SNX6: variants seen among roughly 807,000 people sequenced by gnomAD.
SNX6 encodes sorting nexin-6.
A neutral mutation model predicts 63.0 loss-of-function variants in SNX6; 34 were observed. That is an observed-to-expected ratio of 0.54 (90% CI 0.41 to 0.72). The LOEUF (loss-of-function observed/expected upper bound fraction) is 0.72, where lower values mean the gene tolerates loss of function less well. Ranked by LOEUF, SNX6 falls within the 30% of genes least tolerant of loss-of-function variation. The probability of loss-of-function intolerance (pLI) is 0.00; values close to 1 mark genes in which losing one functional copy is unlikely to be tolerated. For missense variants in SNX6, 398 were observed against 471.4 expected (o/e 0.84, Z 1.44); for synonymous variants, 170 against 164.2 (o/e 1.04, Z -0.27).
At chr14:34,612,776 C>CT (rs1179284245) in intron 2 of SNX6, among the ~76,000 whole-genome samples, 2 of 151,776 alleles carry the variant, frequency 1.3e-5, no homozygotes, top group Admixed American at 1.3e-4. Context: ...CCAGGCGCCA[C>CT]TGGTGGCTCA....
chr14:34,609,776 C>A lies in SNX6; in HGVS notation c.55-34G>T. ...AGAAAACCAGTATCTTCATGAAAAT[C>A]ATGTTTTATATAATTTCATTTTTTC... On this transcript the variant is annotated intron_variant, in intron 2 of 13. Coordinates refer to ENST00000362031, the MANE Select transcript of SNX6 (RefSeq NM_152233.4). 3 of 1,374,980 alleles carry A rather than the reference C, an allele frequency of 2.2e-6. No homozygotes were observed. The South Asian group carries it at 3.7e-5, about 17-fold the overall frequency. The allele number at this position is 1,374,980 out of a possible 1,614,324, so 85.2% of individuals were successfully genotyped here.
intron 6 of SNX6, among the ~76,000 whole-genome samples, chr14:34,600,710 T>G (rs1162965461): frequency 6.6e-6 from 1 of 152,164 alleles, no homozygotes; most frequent in Non-Finnish European, 1.5e-5. Context: ...TAAAAAATTT[T>G]TTGCCAGCAC....
In SNX6 at chr14:34,566,284, G is replaced by A. The variant is rs28734470; in HGVS notation, c.1167+1402C>T. ...GCTGCACTGCAGTGGCACAATCTTGGCTCACGCAGCCTCTGCCTCCTGGGT... is the reference window on the plus strand; with the variant it reads ...GCTGCACTGCAGTGGCACAATCTTGACTCACGCAGCCTCTGCCTCCTGGGT... On this transcript the variant is annotated intron_variant, in intron 13 of 13. Transcript: ENST00000362031. Among the ~76,000 whole-genome samples the A allele has an allele frequency of 4.7e-3, 718 of 152,006 alleles. 8 individuals are homozygous for A. Among genetic ancestry groups the A allele is most frequent in the African/African-American group, 0.016 (684 of 41,486 alleles).
chr14:34,590,316 T>G (rs1200777311), intron 8 of SNX6, among the ~76,000 whole-genome samples: 2 of 151,362 alleles, frequency 1.3e-5, no homozygotes, highest in African/African-American at 2.4e-5. Context: ...TAGTCCCAGG[T>G]TCTCGGGAGG....
At chr14:34,608,983 G>A (rs972654985) in intron 3 of SNX6, among the ~76,000 whole-genome samples, 9 of 151,998 alleles carry the variant, frequency 5.9e-5, no homozygotes, top group African/African-American at 2.2e-4. Flanking sequence ...AGTGAGCCAG[G>A]ATCATGCCAC....
intron 9 of SNX6, among the ~76,000 whole-genome samples, chr14:34,584,608 A>G (rs1288306676): frequency 2.6e-5 from 4 of 152,096 alleles, no homozygotes; most frequent in African/African-American, 9.7e-5. Context: ...ACATATATAT[A>G]TATTCTAATT....
chr14:34,616,157 T>A (rs564122477), intron 2 of SNX6, among the ~76,000 whole-genome samples: 2 of 152,224 alleles, frequency 1.3e-5, no homozygotes, highest in South Asian at 4.1e-4. Context: ...GGTTTCACAA[T>A]GTTGGCCAGG....
intron 8 of SNX6, among the ~76,000 whole-genome samples, chr14:34,590,120 AAAC>A (rs1349822278): frequency 7.2e-5 from 11 of 151,926 alleles, no homozygotes; most frequent in South Asian, 2.1e-4. Context: ...CAACAACAAA[AAAC>A]AACAACAACA....
intron 4 of SNX6, among the ~76,000 whole-genome samples, chr14:34,606,607 C>T (rs1883030778): frequency 1.3e-5 from 2 of 151,966 alleles, no homozygotes; most frequent in Admixed American, 1.3e-4. Flanking sequence ...CATGTGCCAC[C>T]ATGCCTGGCT....
At chr14:34,618,383 C>T (rs1883503741) in intron 2 of SNX6, among the ~76,000 whole-genome samples, 1 of 151,952 alleles carries the variant, frequency 6.6e-6, no homozygotes, top group Non-Finnish European at 1.5e-5. Context: ...TGGAGTCTTG[C>T]TCTGTCGCCA....
chr14:34,568,613 G>C lies in SNX6; in HGVS notation c.922-600C>G. The C allele has an allele frequency of 7.6e-6, 5 of 656,190 alleles. No homozygotes were observed. In the South Asian group the frequency reaches 7.7e-5, roughly 10 times the overall value. The allele number at this position is 656,190 out of a possible 1,614,324, so 40.6% of individuals were successfully genotyped here. ...CAGCCTGCTAAAGTGGATTACAAGCGTGAGCCACTGCACTCAGCCTGTTTT... is the reference window on the plus strand; with the variant it reads ...CAGCCTGCTAAAGTGGATTACAAGCCTGAGCCACTGCACTCAGCCTGTTTT... On this transcript the variant is annotated intron_variant, in intron 11 of 13. Transcript: ENST00000362031.
Position 34,563,193 on chromosome 14 carries a change from A to T in SNX6, c.1168-18T>A, listed in dbSNP as rs141175532. The T allele has an allele frequency of 1.3e-4, 203 of 1,607,190 alleles. 1 individual carries two copies. In the African/African-American group the frequency reaches 2.4e-3, roughly 19 times the overall value. On this transcript the variant is annotated intron_variant, in intron 13 of 13. Transcript: ENST00000362031. ...AGATTACCCTAAAAAAGGAAGAAAAAATAAATTACAAATTTTATTTCAAAC... is the reference window on the plus strand; with the variant it reads ...AGATTACCCTAAAAAAGGAAGAAAATATAAATTACAAATTTTATTTCAAAC...
chr14:34,568,962 C>T (rs1594692278), intron 11 of SNX6: 6 of 1,392,108 alleles, frequency 4.3e-6, no homozygotes, highest in African/African-American at 1.4e-5. Flanking sequence ...AAGCAGCTCG[C>T]GTGTACAACC....
At chr14:34,611,313 C>T (rs1883217432) in intron 2 of SNX6, among the ~76,000 whole-genome samples, 1 of 152,002 alleles carries the variant, frequency 6.6e-6, no homozygotes, top group South Asian at 2.1e-4. Flanking sequence ...CCCATCTCTA[C>T]AAAAAATACA....
chr14:34,610,959 A>G (rs1397657419), intron 2 of SNX6, among the ~76,000 whole-genome samples: 1 of 152,166 alleles, frequency 6.6e-6, no homozygotes, highest in Non-Finnish European at 1.5e-5. Context: ...TGTTTACTCA[A>G]TGATTTCAAA....
chr14:34,573,205 T>C (rs1254236554), intron 11 of SNX6, among the ~76,000 whole-genome samples: 1 of 152,154 alleles, frequency 6.6e-6, no homozygotes, highest in East Asian at 1.9e-4. Context: ...CTTGAACTCC[T>C]GGCCTCATGT....
At chr14:34,579,223 A>C (rs1188474192) in intron 10 of SNX6, among the ~76,000 whole-genome samples, 1 of 152,118 alleles carries the variant, frequency 6.6e-6, no homozygotes, top group Non-Finnish European at 1.5e-5. Flanking sequence ...GATAAACAAT[A>C]ATCTTAGCAG....
chr14:34,607,192 T>C (rs1055844368), intron 4 of SNX6, among the ~76,000 whole-genome samples: 3 of 152,126 alleles, frequency 2.0e-5, no homozygotes, highest in African/African-American at 7.2e-5. Context: ...GAATGTAACA[T>C]ACCCCACATC....
chr14:34,614,481 A>AGG lies in SNX6; in HGVS notation c.55-4741_55-4740dup, dbSNP rs369979675. ...ACTCCAAAACCAGAAACAGAATCCC[A>AGG]GGCCTATCAAAACAGGAACGTCAGG... On this transcript the variant is annotated intron_variant, in intron 2 of 13. Coordinates refer to ENST00000362031, the MANE Select transcript of SNX6 (RefSeq NM_152233.4). Among the ~76,000 whole-genome samples the AGG allele has an allele frequency of 1.1e-4, 16 of 151,968 alleles. 1 individual carries two copies. The highest frequency in any genetic ancestry group is 3.6e-4 in the African/African-American group (15 of 41,472).
Sources: allele counts gnomAD v4.1 joint callset (sites outside exome capture counted in the v4.1 genomes callset), GRCh38; gene constraint gnomAD v4.1.1; transcripts MANE v1.5; gene names NCBI Gene and HGNC (gene_info 2026-07-23, HGNC 2026-07-21).